Variants in KPNA7 observed in about 807,000 individuals in gnomAD.
KPNA7 encodes karyopherin subunit alpha 7, also known as importin subunit alpha-8.
In KPNA7, 54 loss-of-function variants were observed where a neutral mutation model predicts 53.7. The ratio of observed to expected loss-of-function variants is 1.01; its 90% CI spans 0.81 to 1.26. KPNA7 has a LOEUF of 1.26. Ranked by LOEUF, KPNA7 falls within the 50% of genes most tolerant of loss-of-function variation. The probability of loss-of-function intolerance (pLI) is 0.00; values close to 1 mark genes in which losing one functional copy is unlikely to be tolerated. For missense variants in KPNA7, 640 were observed against 644.5 expected, an observed-to-expected ratio of 0.99 and a Z score of 0.07; for synonymous variants, 276 against 259.3, an observed-to-expected ratio of 1.06 and a Z score of -0.62.
rs1297352710 is a variant in KPNA7, at chr7:99,188,480, C to T, written c.720G>A (p.Lys240=). The T allele has an allele frequency of 6.4e-7, 1 of 1,551,614 alleles. No homozygotes were observed. Among genetic ancestry groups the T allele is most frequent in the Admixed American group, 2.0e-5 (1 of 50,966 alleles). Residue 240 remains lysine (K), a synonymous_variant, in exon 7 of 11, where the codon AAG becomes AAA. Transcript: ENST00000327442. ...KNPYPCDTAV[K]QILPALLHLL... ...GGTGAAGGAGGGCCGGCAGTATCTGCTTCACCGCAGTGTCGCAAGGGTATG... is the reference window on the plus strand; with the variant it reads ...GGTGAAGGAGGGCCGGCAGTATCTGTTTCACCGCAGTGTCGCAAGGGTATG...
chr7:99,218,865 T>C (rs1472831131), intron 1 of KPNA7, among the ~76,000 whole-genome samples: 1 of 152,194 alleles, frequency 6.6e-6, no homozygotes, highest in Non-Finnish European at 1.5e-5. Flanking sequence ...GATCAGCCAA[T>C]ACCCAGACAG....
At chr7:99,154,836 C>T in the KPNA7 span, among the ~76,000 whole-genome samples, 1 of 152,026 alleles carries the variant, frequency 6.6e-6, no homozygotes, top group African/African-American at 2.4e-5. Flanking sequence ...ATGTAATATA[C>T]ACCATGAAAT....
chr7:99,217,671 C>T (rs966903489), intron 1 of KPNA7, among the ~76,000 whole-genome samples: 2 of 140,322 alleles, frequency 1.4e-5, no homozygotes, highest in Non-Finnish European at 3.0e-5. Context: ...TGCTCTGTCA[C>T]CCAGGCTGGA....
Position 99,195,309 on chromosome 7 carries a change from G to A in KPNA7, c.314C>T (p.Pro105Leu), listed in dbSNP as rs993135797. 1.9e-5 allele frequency: 30 copies of A among 1,551,620 alleles called. No homozygotes were observed. In the African/African-American group the frequency reaches 2.5e-4, roughly 13 times the overall value. ...RKMLSQEKNP[P>L]LKLVIEAGLI... ...GCCCGCTTCAATGACCAGTTTCAGA[G>A]GGGGGTTCTTTTCCTGGGATAGCAT... The change falls in exon 5 of 11, where the codon CCT (proline) becomes CTT (leucine). Residue 105 changes from proline (P) to leucine (L), a missense_variant. By Grantham distance (98) the Pro-to-Leu change is moderately conservative. Transcript: ENST00000327442.
intron 7 of KPNA7, among the ~76,000 whole-genome samples, chr7:99,187,782 T>C: frequency 7.9e-6 from 1 of 125,928 alleles, no homozygotes; most frequent in East Asian, 2.6e-4. Context: ...TGAGCCACCG[T>C]GCCCGGCCTT....
the KPNA7 span, among the ~76,000 whole-genome samples, chr7:99,166,055 T>A: frequency 6.6e-6 from 1 of 152,150 alleles, no homozygotes; most frequent in African/African-American, 2.4e-5. Context: ...AAGACGTGCC[T>A]GCCTCCCCTT....
chr7:99,190,365 GA>G (rs1197764804), intron 6 of KPNA7, among the ~76,000 whole-genome samples: 2 of 149,772 alleles, frequency 1.3e-5, no homozygotes, highest in African/African-American at 2.5e-5. Context: ...AAAAAAAGCA[GA>G]AAAAAAAGAA....
At chr7:99,167,670 A>G in the KPNA7 span, among the ~76,000 whole-genome samples, 2 of 110,818 alleles carry the variant, frequency 1.8e-5, no homozygotes, top group East Asian at 5.4e-4. Flanking sequence ...TAGTAGAGAC[A>G]GGGTTTCACC....
At chr7:99,158,888 G>A in the KPNA7 span, among the ~76,000 whole-genome samples, 1 of 151,642 alleles carries the variant, frequency 6.6e-6, no homozygotes, top group African/African-American at 2.4e-5. Context: ...CTTTTGAGAG[G>A]GAGTCTAGCT....
chr7:99,214,803 A>G (rs1472654609), intron 1 of KPNA7, among the ~76,000 whole-genome samples: 12 of 150,274 alleles, frequency 8.0e-5, no homozygotes, highest in African/African-American at 2.9e-4. Context: ...CACTTAACAC[A>G]TGGGGTGAGA....
intron 9 of KPNA7, among the ~76,000 whole-genome samples, chr7:99,179,119 G>T (rs1799048193): frequency 6.6e-6 from 1 of 151,958 alleles, no homozygotes; most frequent in Non-Finnish European, 1.5e-5. Flanking sequence ...CAAGTTTCAG[G>T]GTATCATGGG....
downstream of KPNA7, among the ~76,000 whole-genome samples, chr7:99,172,629 G>A (rs1367722873): frequency 6.6e-6 from 1 of 152,122 alleles, no homozygotes; most frequent in Non-Finnish European, 1.5e-5. Context: ...TTCTTTCTAG[G>A]AAGAATAAGA....
At chr7:99,175,811 C>T (rs144556844) in intron 10 of KPNA7, among the ~76,000 whole-genome samples, 4 of 152,084 alleles carry the variant, frequency 2.6e-5, no homozygotes, top group East Asian at 1.9e-4. Context: ...TGCTCCCAGC[C>T]GAGAGCATCA....
At chr7:99,152,018 A>G in the KPNA7 span, among the ~76,000 whole-genome samples, 1 of 152,044 alleles carries the variant, frequency 6.6e-6, no homozygotes, top group Non-Finnish European at 1.5e-5. Context: ...GCCCATCTCT[A>G]CTAAAAATAC....
downstream of KPNA7, among the ~76,000 whole-genome samples, chr7:99,169,291 C>G (rs563272468): frequency 5.3e-5 from 8 of 152,208 alleles, no homozygotes; most frequent in East Asian, 1.5e-3. Flanking sequence ...TCTGAGGGAG[C>G]AAAACTGAGA....
the KPNA7 span, among the ~76,000 whole-genome samples, chr7:99,158,006 GCCT>G: frequency 1.3e-5 from 2 of 151,812 alleles, no homozygotes; most frequent in African/African-American, 2.4e-5. Flanking sequence ...TGAACTCCTG[GCCT>G]CCTGAGTAGC....
chr7:99,193,758 G>A (rs988591973), intron 5 of KPNA7, among the ~76,000 whole-genome samples: 12 of 151,744 alleles, frequency 7.9e-5, no homozygotes, highest in Non-Finnish European at 1.6e-4. Context: ...GCTCACTGCA[G>A]CCTCGACCTC....
the KPNA7 span, among the ~76,000 whole-genome samples, chr7:99,148,942 C>T: frequency 7.3e-6 from 1 of 136,180 alleles, no homozygotes; most frequent in Non-Finnish European, 1.5e-5. Context: ...GTCGCCCAGG[C>T]TGGAGTACAA....
chr7:99,192,441 C>T (rs750799438), intron 6 of KPNA7, among the ~76,000 whole-genome samples: 15 of 152,196 alleles, frequency 9.9e-5, no homozygotes, highest in Admixed American at 2.6e-4. Flanking sequence ...GAGACAGAGT[C>T]TCAACCTGTC....
Sources: allele counts gnomAD v4.1 joint callset (sites outside exome capture counted in the v4.1 genomes callset), GRCh38; gene constraint gnomAD v4.1.1; transcripts MANE v1.5; gene names NCBI Gene and HGNC (gene_info 2026-07-23, HGNC 2026-07-21).